UGT1A10: variants seen among roughly 807,000 people sequenced by gnomAD.
UGT1A10 encodes the protein UDP glucuronosyltransferase family 1 member A10, also known as UDP-glucuronosyltransferase 1A10.
In UGT1A10, 49 loss-of-function variants were observed where a neutral mutation model predicts 45.8. That is an observed-to-expected ratio of 1.07 (90% confidence interval 0.85 to 1.36). The LOEUF (loss-of-function observed/expected upper bound fraction) is 1.36. UGT1A10 is among the 40% of genes most tolerant of loss of function. UGT1A10 has a pLI of 0.00. For synonymous variants in UGT1A10, 284 were observed against 249.7 expected (o/e 1.14, Z -1.29); for missense variants, 745 against 668.6 (o/e 1.11, Z -1.26).
At chr2:233,689,095 T>C (rs1172782745) in intron 1 of UGT1A10, among the ~76,000 whole-genome samples, 1 of 152,184 alleles carries the variant, frequency 6.6e-6, no homozygotes, top group Non-Finnish European at 1.5e-5. Flanking sequence ...CCTGTGCCCC[T>C]CCCCACTGCT....
chr2:233,709,101 C>A (rs780265500), intron 1 of UGT1A10, among the ~76,000 whole-genome samples: 26 of 152,142 alleles, frequency 1.7e-4, no homozygotes, highest in Non-Finnish European at 3.7e-4. Context: ...AAGTCACATG[C>A]CCATCTCTGA....
At chr2:233,746,994 G>C (rs922899059) in intron 1 of UGT1A10, among the ~76,000 whole-genome samples, 7 of 151,864 alleles carry the variant, frequency 4.6e-5, no homozygotes, top group African/African-American at 1.7e-4. Context: ...GGTCAGATGA[G>C]TTTTTCAAGT....
intron 1 of UGT1A10, chr2:233,729,462 A>G: frequency 2.5e-6 from 4 of 1,614,130 alleles, no homozygotes; most frequent in Non-Finnish European, 3.4e-6. Flanking sequence ...AATTTTTCAG[A>G]AGTATGGCAA....
intron 1 of UGT1A10, chr2:233,672,897 T>C (rs2074245451): frequency 4.0e-6 from 6 of 1,511,396 alleles, no homozygotes; most frequent in Non-Finnish European, 4.4e-6. Flanking sequence ...CATTTCAAAT[T>C]TCTTTCCAGT....
At chr2:233,718,073 G>T in intron 1 of UGT1A10, 1 of 345,132 alleles carries the variant, frequency 2.9e-6, no homozygotes, top group South Asian at 2.3e-5. Flanking sequence ...GTCCTTGCTA[G>T]GGTTGTCTTG....
At chr2:233,696,906 G>A (rs1231812391) in intron 1 of UGT1A10, among the ~76,000 whole-genome samples, 2 of 152,082 alleles carry the variant, frequency 1.3e-5, no homozygotes, top group African/African-American at 2.4e-5. Flanking sequence ...TTCTGTCAAT[G>A]TATTCATATC....
At chr2:233,743,713 A>G (rs753029773) in intron 1 of UGT1A10, 5 of 1,367,332 alleles carry the variant, frequency 3.7e-6, no homozygotes, top group South Asian at 2.3e-5. Flanking sequence ...CCGCCTCGCC[A>G]TAGCGGTCAT....
At chr2:233,747,731 G>A in intron 1 of UGT1A10, 1 of 1,612,808 alleles carries the variant, frequency 6.2e-7, no homozygotes, top group South Asian at 1.1e-5. Flanking sequence ...TGTTTTTTTT[G>A]AGGAACATTC....
At chr2:233,763,334 A>C (rs1454444157) in intron 1 of UGT1A10, among the ~76,000 whole-genome samples, 1 of 152,148 alleles carries the variant, frequency 6.6e-6, no homozygotes, top group Non-Finnish European at 1.5e-5. Flanking sequence ...TTTTGTTTAC[A>C]TTTCCCTAGC....
intron 2 of UGT1A10, 105 bp downstream of exon 2, chr2:233,767,270 C>T: frequency 6.3e-7 from 1 of 1,582,714 alleles, no homozygotes; most frequent in Non-Finnish European, 8.5e-7. Flanking sequence ...TTAGATTTGG[C>T]TTTTCCCTGC....
intron 1 of UGT1A10, among the ~76,000 whole-genome samples, chr2:233,678,124 T>C (rs1203736814): frequency 6.6e-6 from 1 of 152,084 alleles, no homozygotes; most frequent in African/African-American, 2.4e-5. Context: ...AGTGGGTACT[T>C]TTGGGCATAA....
chr2:233,724,947 G>C (rs941284896), intron 1 of UGT1A10, among the ~76,000 whole-genome samples: 2 of 144,584 alleles, frequency 1.4e-5, no homozygotes, highest in African/African-American at 5.3e-5. Context: ...CTGCAATCCC[G>C]GCACCTCGGG....
intron 1 of UGT1A10, chr2:233,754,908 T>C: frequency 7.4e-7 from 1 of 1,352,648 alleles, no homozygotes; most frequent in Non-Finnish European, 9.9e-7. Flanking sequence ...CCCCAAAATA[T>C]TCTCCAGCGG....
At chr2:233,719,837 GT>G in intron 1 of UGT1A10, 1 of 1,534,622 alleles carries the variant, frequency 6.5e-7, no homozygotes, top group Non-Finnish European at 8.8e-7. Flanking sequence ...GGGGCCTAGT[GT>G]ATTTCAAGTT....
At chr2:233,672,432 G>A (rs755127792) in intron 1 of UGT1A10, 68 of 1,613,756 alleles carry the variant, frequency 4.2e-5, no homozygotes, top group Non-Finnish European at 5.4e-5. Flanking sequence ...TCCCCTCCGT[G>A]GTCTTCGCCA....
At chr2:233,756,303 C>T (rs529039026) in intron 1 of UGT1A10, 7 of 152,196 alleles carry the variant, frequency 4.6e-5, no homozygotes, top group African/African-American at 9.7e-5. Context: ...TTGTATATAA[C>T]CTACCCATAT....
intron 1 of UGT1A10, chr2:233,754,796 A>T (rs1379144475): frequency 8.1e-7 from 1 of 1,232,848 alleles, no homozygotes; most frequent in African/African-American, 1.5e-5. Context: ...GAAATCCTGT[A>T]TCAAAAGAAG....
chr2:233,701,912 C>A (rs1291410680), intron 1 of UGT1A10, among the ~76,000 whole-genome samples: 2 of 152,020 alleles, frequency 1.3e-5, no homozygotes, highest in Non-Finnish European at 1.5e-5. Context: ...AAAATTGACA[C>A]CCTAACATCA....
At chr2:233,746,322 CTA>C (rs780402376) in intron 1 of UGT1A10, among the ~76,000 whole-genome samples, 9 of 151,756 alleles carry the variant, frequency 5.9e-5, no homozygotes, top group Non-Finnish European at 1.0e-4. Flanking sequence ...TGTAGATGAT[CTA>C]CAGGGCAATG....
Sources: allele counts gnomAD v4.1 joint callset (sites outside exome capture counted in the v4.1 genomes callset), GRCh38; gene constraint gnomAD v4.1.1; transcripts MANE v1.5; gene names NCBI Gene and HGNC (gene_info 2026-07-23, HGNC 2026-07-21).